The following STRBP variants were observed in gnomAD, a reference collection of about 807,000 sequenced individuals.
STRBP encodes spermatid perinuclear RNA binding protein.
In STRBP, 13 loss-of-function variants were observed where a neutral mutation model predicts 80.1. The ratio of observed to expected loss-of-function variants is 0.16; its 90% CI spans 0.11 to 0.26. The LOEUF is 0.26. STRBP is among the 10% of genes least tolerant of loss of function. STRBP has a pLI of 1.00. For synonymous variants in STRBP, 284 were observed against 291.2 expected (o/e 0.98, Z 0.25); for missense variants, 485 against 815.2 (o/e 0.59, Z 4.93).
At chr9:123,194,472 T>C (rs2039028284) in intron 2 of STRBP, among the ~76,000 whole-genome samples, 1 of 152,160 alleles carries the variant, frequency 6.6e-6, no homozygotes, top group Admixed American at 6.5e-5. Context: ...CCACATGTTG[T>C]AATAGCACCC....
At chr9:123,264,028 A>C (rs2041216039) in intron 1 of STRBP, among the ~76,000 whole-genome samples, 1 of 152,202 alleles carries the variant, frequency 6.6e-6, no homozygotes, top group African/African-American at 2.4e-5. Context: ...AAATACAAAA[A>C]ATTAGCTGGG....
At chr9:123,129,806 A>T (rs1342796123) in intron 17 of STRBP, among the ~76,000 whole-genome samples, 1 of 152,210 alleles carries the variant, frequency 6.6e-6, no homozygotes, top group African/African-American at 2.4e-5. Flanking sequence ...TTTAGGGACC[A>T]ACTGAAACAG....
chr9:123,234,200 C>CAA (rs59309974), intron 2 of STRBP, among the ~76,000 whole-genome samples: 1,144 of 72,238 alleles, frequency 0.016, 21 homozygotes, highest in African/African-American at 0.051. Flanking sequence ...GACGCCGTGT[C>CAA]AAAAAAAAAA....
intron 1 of STRBP, among the ~76,000 whole-genome samples, chr9:123,265,984 C>A (rs995120678): frequency 6.6e-6 from 1 of 152,188 alleles, no homozygotes; most frequent in Non-Finnish European, 1.5e-5. Flanking sequence ...TATTACATCA[C>A]CCCATGCTGC....
At chr9:123,155,232 TAAGG>T (rs2037231888) in intron 11 of STRBP, among the ~76,000 whole-genome samples, 1 of 152,120 alleles carries the variant, frequency 6.6e-6, no homozygotes, top group African/African-American at 2.4e-5. Context: ...ATCAGATGAA[TAAGG>T]AGGTAGAGAA....
intron 14 of STRBP, among the ~76,000 whole-genome samples, chr9:123,138,842 A>T (rs963607210): frequency 4.6e-5 from 7 of 152,240 alleles, no homozygotes; most frequent in Non-Finnish European, 8.8e-5. Flanking sequence ...CTTAATAACT[A>T]CTTATTCATA....
chr9:123,186,477 T>A (rs1588065962), intron 2 of STRBP, among the ~76,000 whole-genome samples: 2 of 151,942 alleles, frequency 1.3e-5, no homozygotes, highest in East Asian at 3.9e-4. Flanking sequence ...GCATGGGGGG[T>A]AACTACCCTA....
chr9:123,113,262 A>G (rs700090), intron 3 of STRBP: 164,296 of 167,462 alleles, frequency 0.98, 80,690 homozygotes, highest in Non-Finnish European at 1. Context: ...GGCTCCCTAC[A>G]GCCCAGAGAA....
chr9:123,178,789 G>C (rs145762516), intron 4 of STRBP, among the ~76,000 whole-genome samples: 1 of 152,190 alleles, frequency 6.6e-6, no homozygotes, highest in African/African-American at 2.4e-5. Context: ...TCCTAAGCAG[G>C]TCCATTTTCT....
intron 1 of STRBP, among the ~76,000 whole-genome samples, chr9:123,242,992 A>G (rs1465937075): frequency 6.6e-6 from 1 of 152,196 alleles, no homozygotes; most frequent in Non-Finnish European, 1.5e-5. Flanking sequence ...ACATGGAAAG[A>G]CACAAGACCA....
chr9:123,162,333 T>A (rs1417616961), intron 6 of STRBP, among the ~76,000 whole-genome samples: 4 of 151,506 alleles, frequency 2.6e-5, no homozygotes, highest in Non-Finnish European at 5.9e-5. Flanking sequence ...CAAGCGATCC[T>A]CCCACCTCAC....
intron 4 of STRBP, among the ~76,000 whole-genome samples, 197 bp downstream of exon 4, chr9:123,178,810 C>A (rs2038332118): frequency 6.6e-6 from 1 of 152,166 alleles, no homozygotes. Context: ...TTCTCTGGCT[C>A]TAATCTTTAT....
intron 14 of STRBP, among the ~76,000 whole-genome samples, chr9:123,138,052 A>G (rs1588465460): frequency 6.6e-6 from 1 of 152,222 alleles, no homozygotes; most frequent in Non-Finnish European, 1.5e-5. Flanking sequence ...ATTTTAATAA[A>G]GTACTATTAT....
intron 3 of STRBP, among the ~76,000 whole-genome samples, chr9:123,183,368 C>T (rs1002644763): frequency 1.3e-5 from 2 of 151,636 alleles, no homozygotes; most frequent in South Asian, 2.1e-4. Flanking sequence ...ACCTGGGAGA[C>T]GGAGGTTGCA....
At chr9:123,230,318 A>G (rs959835651) in intron 2 of STRBP, among the ~76,000 whole-genome samples, 1 of 152,240 alleles carries the variant, frequency 6.6e-6, no homozygotes, top group African/African-American at 2.4e-5. Context: ...CTGTATTCTT[A>G]TAATTATCAC....
chr9:123,135,837 A>G (rs1340141995), intron 16 of STRBP: 3 of 511,034 alleles, frequency 5.9e-6, no homozygotes, highest in African/African-American at 3.8e-5. Context: ...ACATGTACAT[A>G]TATATTTTGT....
intron 3 of STRBP, chr9:123,111,520 G>C (rs767000428): frequency 5.0e-6 from 2 of 400,828 alleles, no homozygotes; most frequent in African/African-American, 2.1e-5. Context: ...CGGGACAGAT[G>C]GCAAAGCACC....
chr9:123,112,980 G>A (rs933007765), intron 3 of STRBP: 1 of 167,092 alleles, frequency 6.0e-6, no homozygotes, highest in Non-Finnish European at 1.5e-5. Flanking sequence ...TAGGATAGCA[G>A]GAAAGAAAAC....
At chr9:123,173,633 C>G in intron 5 of STRBP, 44 bp downstream of exon 5, 1 of 1,560,404 alleles carries the variant, frequency 6.4e-7, no homozygotes, top group Non-Finnish European at 8.6e-7. Context: ...ACCTATTTCA[C>G]CTTTTTACAA....
Sources: allele counts gnomAD v4.1 joint callset (sites outside exome capture counted in the v4.1 genomes callset), GRCh38; gene constraint gnomAD v4.1.1; transcripts MANE v1.5; gene names NCBI Gene and HGNC (gene_info 2026-07-23, HGNC 2026-07-21).